PROM1: variants seen among roughly 807,000 people sequenced by gnomAD.
PROM1 encodes the protein prominin-1.
Under a neutral mutation model 116.9 loss-of-function variants are expected in PROM1, and 105 were observed. The observed-to-expected ratio is 0.90, with a 90% CI of 0.77 to 1.06. The LOEUF is 1.06. PROM1 is among the 50% of genes least tolerant of loss of function. The probability of loss-of-function intolerance (pLI) is 0.00; values close to 1 mark genes in which losing one functional copy is unlikely to be tolerated. For synonymous variants in PROM1, 393 were observed against 387.0 expected (o/e 1.02, Z -0.18); for missense variants, 1,122 against 1,045.2 (o/e 1.07, Z -1.01).
chr4:16,017,286 G>T (rs1003340160), intron 9 of PROM1, among the ~76,000 whole-genome samples: 1 of 152,100 alleles, frequency 6.6e-6, no homozygotes, highest in Non-Finnish European at 1.5e-5. Flanking sequence ...GGTGTGAACA[G>T]GGATCCATGC....
chr4:16,024,879 T>C (rs921248110), intron 6 of PROM1, among the ~76,000 whole-genome samples: 1 of 152,198 alleles, frequency 6.6e-6, no homozygotes, highest in African/African-American at 2.4e-5. Flanking sequence ...GAAAGGATAA[T>C]AAGGCCCAAA....
chr4:16,041,747 CAAATAAATAAATAAAT>C (rs777799271), intron 2 of PROM1, among the ~76,000 whole-genome samples: 7,169 of 81,946 alleles, frequency 0.087, 267 homozygotes, highest in Middle Eastern at 0.18. Context: ...GACCCTGCCT[CAAATAAATAAATAAAT>C]AAATAAATAA....
chr4:16,015,129 T>A (rs1727977291), intron 10 of PROM1, among the ~76,000 whole-genome samples: 1 of 151,936 alleles, frequency 6.6e-6, no homozygotes, highest in Non-Finnish European at 1.5e-5. Flanking sequence ...GTGGGTCACC[T>A]GAGGTCAGGA....
intron 3 of PROM1, among the ~76,000 whole-genome samples, chr4:16,036,879 T>C (rs1232596728): frequency 1.3e-5 from 2 of 152,208 alleles, no homozygotes; most frequent in Non-Finnish European, 2.9e-5. Context: ...ATGGTCCAGT[T>C]CCACATCTAG....
intron 2 of PROM1, among the ~76,000 whole-genome samples, chr4:16,069,666 T>C (rs1488399397): frequency 1.3e-5 from 2 of 152,158 alleles, no homozygotes; most frequent in Admixed American, 6.5e-5. Context: ...GAGGAGAATG[T>C]AAGAAATAAT....
At chr4:15,994,348 G>A (rs773803519) in intron 15 of PROM1, among the ~76,000 whole-genome samples, 4 of 152,096 alleles carry the variant, frequency 2.6e-5, no homozygotes, top group Non-Finnish European at 5.9e-5. Flanking sequence ...GTTCTGCTGT[G>A]GACCACAAGT....
intron 2 of PROM1, among the ~76,000 whole-genome samples, chr4:16,049,565 G>C (rs1367706157): frequency 6.6e-6 from 1 of 152,018 alleles, no homozygotes; most frequent in Non-Finnish European, 1.5e-5. Flanking sequence ...AAAAATGCTG[G>C]TTCCTGTAAA....
chr4:16,043,954 C>A (rs924086864), intron 2 of PROM1, among the ~76,000 whole-genome samples: 4 of 152,144 alleles, frequency 2.6e-5, no homozygotes, highest in African/African-American at 9.7e-5. Flanking sequence ...TCTCACACAC[C>A]CCCCAGGTCA....
intron 26 of PROM1, among the ~76,000 whole-genome samples, chr4:15,979,188 A>G (rs1280925773): frequency 2.6e-5 from 4 of 152,240 alleles, no homozygotes; most frequent in Admixed American, 2.6e-4. Context: ...TAGTTGCTGA[A>G]TAATTCCATT....
chr4:15,979,286 T>C (rs1464595088), intron 26 of PROM1, 109 bp downstream of exon 26: 1 of 1,542,688 alleles, frequency 6.5e-7, no homozygotes. Flanking sequence ...TAAAGTATCA[T>C]ACAGAGAGAA....
In PROM1 at chr4:15,979,513, A is replaced by G. The variant is rs187762743; in HGVS notation, c.2514-50T>C. 13 of 1,565,212 alleles carry G rather than the reference A, an allele frequency of 8.3e-6. No homozygotes were observed. In the East Asian group the frequency reaches 2.7e-4, roughly 33 times the overall value. On this transcript the variant is annotated intron_variant, in intron 25 of 27. Transcript: ENST00000447510. ...AAACACCATGTTATCTCTAAGATGA[A>G]GTATTTACATCATGGATTACAAAGA...
rs776489193 is a variant in PROM1 at position 15,979,431 on chromosome 4, T to A, written c.2546A>T (p.Asp849Val). 6.2e-7 allele frequency: 1 copy of A among 1,612,880 alleles called. No individual in the cohort carries two copies. The highest frequency in any genetic ancestry group is 8.5e-7 in the Non-Finnish European group (1 of 1,179,402). The stretch of plus-strand genomic sequence containing the variant: ...AGGATTGTGAATACCATATACATGA[T>A]CTTTATGATAACCATTATTACCATT... ...MENGNNGYHK[D>V]HVYGIHNPVM... Residue 849 changes from aspartate to valine, a missense_variant, in exon 26 of 28, where the codon GAT becomes GTT. Physicochemically the swap from Asp to Val is radical, Grantham distance 152. Coordinates refer to ENST00000447510, the MANE Select transcript of PROM1 (RefSeq NM_006017.3).
At chr4:16,079,036 T>A (rs1378119411) in intron 1 of PROM1, among the ~76,000 whole-genome samples, 1 of 151,632 alleles carries the variant, frequency 6.6e-6, no homozygotes, top group Non-Finnish European at 1.5e-5. Context: ...TCCAAAGGGC[T>A]CCCTTCAAAC....
intron 10 of PROM1, among the ~76,000 whole-genome samples, chr4:16,013,609 C>CCTAGG (rs1277527558): frequency 6.6e-6 from 1 of 152,130 alleles, no homozygotes; most frequent in East Asian, 1.9e-4. Flanking sequence ...TTACACAGAG[C>CCTAGG]CTAGGTACTA....
Position 16,025,327 on chromosome 4 carries a change from A to G in PROM1, c.510-15T>C. 1 of 1,613,216 alleles carries G rather than the reference A, an allele frequency of 6.2e-7. No homozygotes were observed. Among genetic ancestry groups the G allele is most frequent in the Non-Finnish European group, 8.5e-7 (1 of 1,179,350 alleles). On this transcript the variant is annotated splice_polypyrimidine_tract_variant and intron_variant, in intron 5 of 27. Transcript: ENST00000447510. The stretch of plus-strand genomic sequence containing the variant: ...AGATGCCAATGCTGCAGGAAAAGGC[A>G]GAGAGAAGAAAGAGCATTTACTGTG...
At chr4:16,062,040 T>C (rs1479622970) in intron 2 of PROM1, among the ~76,000 whole-genome samples, 5 of 152,028 alleles carry the variant, frequency 3.3e-5, no homozygotes, top group South Asian at 2.1e-4. Context: ...TACGGGCGCC[T>C]GCCACCACGC....
intron 3 of PROM1, among the ~76,000 whole-genome samples, chr4:16,037,697 A>G (rs1429812751): frequency 6.6e-6 from 1 of 152,154 alleles, no homozygotes; most frequent in East Asian, 1.9e-4. Context: ...ACTTACCGAG[A>G]AGGACTGAGA....
chr4:16,033,724 A>G (rs987518968), intron 4 of PROM1, among the ~76,000 whole-genome samples: 2 of 149,668 alleles, frequency 1.3e-5, no homozygotes, highest in African/African-American at 4.9e-5. Flanking sequence ...CGAGTACTGT[A>G]TTTTTAGTAG....
chr4:16,032,555 C>G (rs1732963200), intron 5 of PROM1, among the ~76,000 whole-genome samples: 1 of 152,212 alleles, frequency 6.6e-6, no homozygotes, highest in Non-Finnish European at 1.5e-5. Context: ...TCTGCTGCTG[C>G]ATGAAACAGT....
Sources: allele counts gnomAD v4.1 joint callset (sites outside exome capture counted in the v4.1 genomes callset), GRCh38; gene constraint gnomAD v4.1.1; transcripts MANE v1.5; gene names NCBI Gene and HGNC (gene_info 2026-07-23, HGNC 2026-07-21).